SNTB1: variants seen among roughly 807,000 people sequenced by gnomAD.
SNTB1 encodes the protein syntrophin beta 1, also known as beta-1-syntrophin.
SNTB1 carries 36 observed loss-of-function variants against 48.9 expected under a neutral mutation model. That is an observed-to-expected ratio of 0.74 (90% confidence interval 0.56 to 0.97). The LOEUF is 0.97. Among genes scored for constraint, SNTB1 ranks in the 50% least tolerant of loss-of-function variants. SNTB1 has a pLI of 0.00. For missense variants in SNTB1, 786 were observed against 703.4 expected, an observed-to-expected ratio of 1.12 and a Z score of -1.33; for synonymous variants, 299 against 294.6, an observed-to-expected ratio of 1.01 and a Z score of -0.15.
intron 2 of SNTB1, among the ~76,000 whole-genome samples, chr8:120,686,307 G>C (rs560453361): frequency 1.3e-5 from 2 of 152,210 alleles, no homozygotes; most frequent in East Asian, 3.9e-4. Context: ...TCTTAGATTG[G>C]GTAGTTTACA....
In SNTB1 at chr8:120,538,868, C is replaced by A. The variant is rs1308762387; in HGVS notation, c.*9G>T. 6.2e-7 allele frequency: 1 copy of A among 1,610,712 alleles called. No homozygotes were observed. Among genetic ancestry groups the A allele is most frequent in the East Asian group, 2.2e-5 (1 of 44,852 alleles). ...CCCTTCTTTTCTCAAAGGCAAGTCA[C>A]CCCTGTCTTCAGGCCACCAAGCCCA... is the stretch of plus-strand genomic sequence containing the variant. On this transcript the variant is annotated 3_prime_UTR_variant, in exon 7 of 7. Transcript: ENST00000517992.
intron 3 of SNTB1, among the ~76,000 whole-genome samples, chr8:120,590,878 G>C (rs906563611): frequency 6.6e-6 from 1 of 151,668 alleles, no homozygotes; most frequent in African/African-American, 2.4e-5. Context: ...GTAGAGACGG[G>C]GTTTCACCAT....
At chr8:120,654,443 A>G (rs1245714225) in intron 2 of SNTB1, among the ~76,000 whole-genome samples, 1 of 152,182 alleles carries the variant, frequency 6.6e-6, no homozygotes, top group African/African-American at 2.4e-5. Flanking sequence ...TAGTTCAGCG[A>G]TAAAGTTCTC....
chr8:120,761,568 T>C (rs902465883), intron 1 of SNTB1, among the ~76,000 whole-genome samples: 6 of 152,216 alleles, frequency 3.9e-5, no homozygotes, highest in African/African-American at 1.4e-4. Flanking sequence ...TTTTTGATCA[T>C]TTAAAATTAT....
chr8:120,599,504 A>G (rs1281450737), intron 3 of SNTB1, among the ~76,000 whole-genome samples: 1 of 152,226 alleles, frequency 6.6e-6, no homozygotes, highest in Non-Finnish European at 1.5e-5. Flanking sequence ...AATCTGAAGA[A>G]TTAAATATCG....
intron 3 of SNTB1, among the ~76,000 whole-genome samples, chr8:120,607,022 G>A (rs188749971): frequency 6.6e-6 from 1 of 152,180 alleles, no homozygotes; most frequent in Admixed American, 6.5e-5. Context: ...CTGTATCCCT[G>A]GAAAAGCCAA....
chr8:120,730,308 C>T (rs563454330), intron 1 of SNTB1, among the ~76,000 whole-genome samples: 9 of 152,076 alleles, frequency 5.9e-5, no homozygotes, highest in Admixed American at 2.0e-4. Flanking sequence ...TTCAGGTGCA[C>T]GCCACCATGC....
intron 1 of SNTB1, among the ~76,000 whole-genome samples, chr8:120,763,050 C>G (rs1022418092): frequency 6.6e-6 from 1 of 152,176 alleles, no homozygotes; most frequent in African/African-American, 2.4e-5. Flanking sequence ...GCCTTTCTGA[C>G]TCACAAGCTC....
At chr8:120,755,487 T>A (rs1306559152) in intron 1 of SNTB1, among the ~76,000 whole-genome samples, 1 of 152,052 alleles carries the variant, frequency 6.6e-6, no homozygotes, top group African/African-American at 2.4e-5. Flanking sequence ...GACAGGTCCA[T>A]CTGGGACCAC....
At chr8:120,599,298 T>C (rs1042580519) in intron 3 of SNTB1, among the ~76,000 whole-genome samples, 2 of 152,250 alleles carry the variant, frequency 1.3e-5, no homozygotes, top group Non-Finnish European at 2.9e-5. Flanking sequence ...AAATAATTTG[T>C]ATTAACAGTG....
intron 1 of SNTB1, among the ~76,000 whole-genome samples, chr8:120,718,159 T>C (rs1000526170): frequency 1.3e-5 from 2 of 152,184 alleles, no homozygotes; most frequent in Non-Finnish European, 2.9e-5. Context: ...ATACTGAGTG[T>C]TGATTTGATT....
chr8:120,546,707 T>C (rs1815386848), intron 5 of SNTB1, among the ~76,000 whole-genome samples: 1 of 152,214 alleles, frequency 6.6e-6, no homozygotes, highest in African/African-American at 2.4e-5. Flanking sequence ...TCACCTCAGC[T>C]GATCCATCCA....
chr8:120,789,773 G>T (rs1326976646), intron 1 of SNTB1, among the ~76,000 whole-genome samples: 3 of 151,778 alleles, frequency 2.0e-5, no homozygotes, highest in Non-Finnish European at 4.4e-5. Context: ...AAAGCCCAAG[G>T]CCAGACAGAT....
At chr8:120,630,311 A>G (rs888319309) in intron 3 of SNTB1, among the ~76,000 whole-genome samples, 5 of 152,150 alleles carry the variant, frequency 3.3e-5, no homozygotes, top group African/African-American at 1.2e-4. Context: ...TCTTCCAAAG[A>G]CCACAGCTGG....
chr8:120,619,018 C>T (rs1563833094), intron 3 of SNTB1, among the ~76,000 whole-genome samples: 1 of 152,068 alleles, frequency 6.6e-6, no homozygotes, highest in East Asian at 1.9e-4. Flanking sequence ...ACAATAAAAT[C>T]CATATCTATG....
At chr8:120,635,867 C>A in intron 2 of SNTB1, 1 of 361,686 alleles carries the variant, frequency 2.8e-6, no homozygotes, top group South Asian at 3.0e-5. Context: ...TAGTTGTAGT[C>A]AAGCTGGCAT....
chr8:120,653,931 C>A (rs191362412), intron 2 of SNTB1, among the ~76,000 whole-genome samples: 1 of 149,210 alleles, frequency 6.7e-6, no homozygotes, highest in Admixed American at 6.8e-5. Flanking sequence ...CCCAGCTACT[C>A]GGGGGGTCTG....
At position 120,612,216 on chromosome 8, in the gene SNTB1, A is replaced by G. The variant is rs146930416; in HGVS notation, c.996+20228T>C. Among the ~76,000 whole-genome samples the G allele has an allele frequency of 8.1e-3, 1,228 of 152,370 alleles. 13 individuals carry two copies. The highest frequency in any genetic ancestry group is 0.027 in the African/African-American group (1,141 of 41,572). ...TAGCCATTACTACGAATGAGATCTT[A>G]TAATATCAGATGTTATAACAAGCAC... On this transcript the variant is annotated intron_variant, in intron 3 of 6. Transcript: ENST00000517992.
At chr8:120,788,725 G>A (rs897673538) in intron 1 of SNTB1, among the ~76,000 whole-genome samples, 4 of 151,880 alleles carry the variant, frequency 2.6e-5, no homozygotes, top group Admixed American at 6.6e-5. Flanking sequence ...TAACTCTGAC[G>A]CTCCAAGATT....
Sources: gnomAD v4.1 joint callset for allele counts (sites outside exome capture counted in the v4.1 genomes callset) on GRCh38, gnomAD v4.1.1 for gene constraint, MANE v1.5 for transcripts, NCBI Gene and HGNC (gene_info 2026-07-23, HGNC 2026-07-21) for gene names.